Variants in GRIN1 observed in about 807,000 individuals in gnomAD.
The protein encoded by GRIN1 is glutamate receptor ionotropic, NMDA 1.
In GRIN1, 38 loss-of-function variants were observed where a neutral mutation model predicts 103.0. The observed-to-expected ratio is 0.37, with a 90% confidence interval of 0.28 to 0.48. The LOEUF is 0.48. GRIN1 is among the 20% of genes least tolerant of loss of function. GRIN1 has a pLI of 0.98. For missense variants in GRIN1, 577 were observed against 1,288.9 expected, an observed-to-expected ratio of 0.45 and a Z score of 8.46; for synonymous variants, 544 against 532.7, an observed-to-expected ratio of 1.02 and a Z score of -0.29.
chr9:137,139,778 TCTC>T lies in GRIN1; in HGVS notation c.258+39_258+41del, dbSNP rs1164323729. 2 of 1,395,322 alleles carry T rather than the reference TCTC, an allele frequency of 1.4e-6. No individual in the cohort carries two copies. Among genetic ancestry groups the T allele is most frequent in the African/African-American group, 3.8e-5 (2 of 53,182 alleles). 86.4% of individuals were successfully genotyped at this position (1,395,322 alleles called of 1,614,324 possible). ...CCCCACCTCCGCCACCCACCTCCCC[TCTC>T]CTCCATCCTGCAACCCCACACCCCC... On this transcript the variant is annotated intron_variant, in intron 1 of 19. Transcript: ENST00000371561. The surrounding 1 kb of genome is among the most constrained non-coding windows in gnomAD (Gnocchi z 7.7).
intron 18 of GRIN1, 37 bp downstream of exon 18, chr9:137,163,941 G>A: frequency 6.2e-7 from 1 of 1,607,760 alleles, no homozygotes; most frequent in Non-Finnish European, 8.5e-7. Flanking sequence ...GGTGCCCAGG[G>A]CCCGGCCTGG....
Position 137,161,047 on chromosome 9 carries a change from C to T in GRIN1, c.1198-9C>T, listed in dbSNP as rs200904182. 1.2e-6 allele frequency: 2 copies of T among 1,611,864 alleles called. No individual in the cohort carries two copies. Among genetic ancestry groups the T allele is most frequent in the South Asian group, 2.2e-5 (2 of 91,062 alleles). On this transcript the variant is annotated splice_polypyrimidine_tract_variant and intron_variant, in intron 8 of 19. Coordinates refer to ENST00000371561, the MANE Select transcript of GRIN1 (RefSeq NM_007327.4). ...GGTGGTCCAGGCTGGGTCTCCCCTT[C>T]CCCCCCAGATTGTGACGATCCACCA...
At chr9:137,149,477 GA>G (rs907590847) in intron 4 of GRIN1, among the ~76,000 whole-genome samples, 3 of 152,226 alleles carry the variant, frequency 2.0e-5, no homozygotes, top group Non-Finnish European at 2.9e-5. Context: ...TAGGCCCAGG[GA>G]AGTGATGTGC....
At chr9:137,144,477 A>G (rs1200673558) in intron 2 of GRIN1, among the ~76,000 whole-genome samples, 4 of 151,322 alleles carry the variant, frequency 2.6e-5, no homozygotes, top group Admixed American at 6.6e-5. Context: ...ATACGGTGAA[A>G]CCCCATCTCC....
intron 4 of GRIN1, among the ~76,000 whole-genome samples, chr9:137,154,432 CTTTTTTTTTTTTTTTTTTT>C (rs543160973): frequency 3.7e-4 from 16 of 43,008 alleles, no homozygotes; most frequent in Admixed American, 1.4e-3. Context: ...GCTCCAACAA[CTTTTTTTTTTTTTTTTTTT>C]TTTTTTTTTT....
rs879845266 is a variant in GRIN1, at chr9:137,168,274, A to G, written c.*747A>G. On this transcript the variant is annotated 3_prime_UTR_variant, in exon 20 of 20. Coordinates refer to ENST00000371561, the MANE Select transcript of GRIN1 (RefSeq NM_007327.4). ...TGCGCTCCTCTGCAGCCTGAGCTCC[A>G]CCCTCCCCTCTTCTTGCGGCACCGC... is the stretch of plus-strand genomic sequence containing the variant. 30 of 223,224 alleles carry G rather than the reference A, an allele frequency of 1.3e-4. No homozygotes were observed. Among genetic ancestry groups the G allele is most frequent in the African/African-American group, 7.0e-4 (29 of 41,618 alleles). 13.8% of individuals were successfully genotyped at this position (223,224 alleles called of 1,614,324 possible).
At chr9:137,160,436 C>CTTTTTTTTTTTTTTTTTTTTT (rs563443845) in intron 8 of GRIN1, among the ~76,000 whole-genome samples, 3 of 147,680 alleles carry the variant, frequency 2.0e-5, no homozygotes, top group African/African-American at 5.0e-5. Flanking sequence ...GGAATCATGT[C>CTTTTTTTTTTTTTTTTTTTTT]TTTTTTTTTT....
intron 6 of GRIN1, among the ~76,000 whole-genome samples, chr9:137,157,281 C>T (rs930384923): frequency 6.6e-5 from 10 of 152,164 alleles, no homozygotes; most frequent in African/African-American, 2.4e-4. Context: ...CGGCGTCGCT[C>T]TCAGGGGTAC....
intron 6 of GRIN1, among the ~76,000 whole-genome samples, 171 bp downstream of exon 6, chr9:137,157,208 C>A (rs1248555272): frequency 2.7e-5 from 4 of 146,314 alleles, no homozygotes; most frequent in African/African-American, 1.0e-4. Context: ...TGGGGGAGCG[C>A]TCCTCAAGAG....
chr9:137,148,377 C>T (rs531481208), intron 3 of GRIN1, among the ~76,000 whole-genome samples: 2 of 152,268 alleles, frequency 1.3e-5, no homozygotes, highest in East Asian at 1.9e-4. Flanking sequence ...AGAGGGCAGG[C>T]GTGGCGGCGT....
rs370974872 is a variant in GRIN1 at position 137,151,249 on chromosome 9, G to A, written c.671+2140G>A. On this transcript the variant is annotated intron_variant, in intron 4 of 19. Transcript: ENST00000371561. ...TGGTGAAAGCCCTGCCCAGAAAAAA[G>A]ACCAGCCCAGGGAAAGCCCCTCCCA... 5.9e-3 allele frequency among the ~76,000 whole-genome samples: 746 copies of A among 125,534 alleles called. 43 individuals carry two copies. The South Asian group carries it at 0.14, about 24-fold the overall frequency. The allele number at this position is 125,534 out of a possible 152,430, so 82.4% of individuals were successfully genotyped here. A position where few individuals can be genotyped will look rare whatever the true frequency, so the allele number is the denominator to read the frequency against.
In GRIN1 at chr9:137,163,090, C is replaced by G. The variant is rs903465424; in HGVS notation, c.2172-79C>G. The G allele has an allele frequency of 2.2e-5, 34 of 1,578,406 alleles. No individual in the cohort carries two copies. The South Asian group carries it at 3.3e-4, about 15-fold the overall frequency. ...CCACCGGGCAGGAGAGCGTCCGGGC[C>G]GGGCACCCCGGAGGGCGCGGGCGTG... On this transcript the variant is annotated intron_variant, in intron 15 of 19. Transcript: ENST00000371561.
At chr9:137,143,552 C>T (rs549556598) in intron 2 of GRIN1, among the ~76,000 whole-genome samples, 84 of 152,224 alleles carry the variant, frequency 5.5e-4, no homozygotes, top group Middle Eastern at 3.2e-3. Flanking sequence ...ATGCCCCTGG[C>T]CCAGAGCAGG....
rs1832570708 is a variant in GRIN1 at position 137,146,995 on chromosome 9, AC to A, written c.570+1097del. On this transcript the variant is annotated intron_variant, in intron 3 of 19. Transcript: ENST00000371561. This position sits in a 1 kb window ranked among gnomAD's most constrained non-coding sequence, Gnocchi z 6.7. ...GGCCCCACCCAAGACAGTGCCCCTC[AC>A]CCCAGTGCCCGACAGGCCCCTCCCC... 3.3e-5 allele frequency among the ~76,000 whole-genome samples: 1 copy of A among 30,248 alleles called. No individual in the cohort carries two copies. Among genetic ancestry groups the A allele is most frequent in the Non-Finnish European group, 6.7e-5 (1 of 14,892 alleles). 19.8% of individuals were successfully genotyped at this position (30,248 alleles called of 152,430 possible).
intron 8 of GRIN1, among the ~76,000 whole-genome samples, chr9:137,160,332 A>G (rs1833462075): frequency 6.6e-6 from 1 of 152,160 alleles, no homozygotes; most frequent in Non-Finnish European, 1.5e-5. Flanking sequence ...TCCTCGTGGC[A>G]CAGCAGGGTG....
chr9:137,140,340 C>G (rs1344242470), intron 1 of GRIN1, among the ~76,000 whole-genome samples: 2 of 152,136 alleles, frequency 1.3e-5, no homozygotes, highest in African/African-American at 2.4e-5. Flanking sequence ...TTTTGCCTGT[C>G]GGAGCTGTCC....
intron 8 of GRIN1, 75 bp downstream of exon 8, chr9:137,158,779 G>A (rs895637531): frequency 1.8e-6 from 2 of 1,139,964 alleles, no homozygotes; most frequent in African/African-American, 1.5e-5. Flanking sequence ...TGAAGGAGGA[G>A]GGTGCGGTGA....
chr9:137,161,847 C>A (rs1833569848), intron 10 of GRIN1, 77 bp from the exon 11 acceptor site: 1 of 1,437,758 alleles, frequency 7.0e-7, no homozygotes, highest in Non-Finnish European at 9.5e-7. Flanking sequence ...TGCTCTAGGG[C>A]GGCTTCAGTC....
chr9:137,166,840 C>T (rs1370000979), intron 19 of GRIN1, among the ~76,000 whole-genome samples: 1 of 152,190 alleles, frequency 6.6e-6, no homozygotes, highest in Admixed American at 6.5e-5. Flanking sequence ...GCGCAGGGAT[C>T]GTGGGCTGGG....
Sources: gnomAD v4.1 joint callset for allele counts (sites outside exome capture counted in the v4.1 genomes callset) on GRCh38, gnomAD v4.1.1 for gene constraint, Gnocchi (gnomAD v3.1) non-coding constraint, MANE v1.5 for transcripts, NCBI Gene and HGNC (gene_info 2026-07-23, HGNC 2026-07-21) for gene names.